ARSL: variants seen among roughly 807,000 people sequenced by gnomAD.
The protein encoded by ARSL is arylsulfatase L.
A neutral mutation model predicts 31.1 loss-of-function variants in ARSL; 4 were observed. The ratio of observed to expected loss-of-function variants is 0.13; its 90% CI spans 0.06 to 0.29. The LOEUF (loss-of-function observed/expected upper bound fraction) is 0.29. Ranked by LOEUF, ARSL falls within the 10% of genes least tolerant of loss-of-function variation. The probability of loss-of-function intolerance (pLI) is 1.00; values close to 1 mark genes in which losing one functional copy is unlikely to be tolerated. For synonymous variants in ARSL, 198 were observed against 209.9 expected (o/e 0.94, Z 0.49); for missense variants, 312 against 497.8 (o/e 0.63, Z 3.55).
chrX:2,965,105 G>C (rs2089686884), upstream of ARSL, among the ~76,000 whole-genome samples: 1 of 111,279 alleles, frequency 9.0e-6, no homozygotes, highest in East Asian at 2.8e-4. Flanking sequence ...ATGTTTTAAA[G>C]AAGTTATTTG....
chrX:2,944,368 T>G (rs771498273), intron 7 of ARSL, among the ~76,000 whole-genome samples: 35 of 106,561 alleles, frequency 3.3e-4, no homozygotes, highest in Admixed American at 2.2e-3. Flanking sequence ...GCAGGAGAAT[T>G]GCTTGAACCC....
At chrX:2,963,393 G>A (rs899420127) in intron 1 of ARSL, among the ~76,000 whole-genome samples, 1 of 110,790 alleles carries the variant, frequency 9.0e-6, no homozygotes, top group Non-Finnish European at 1.9e-5. Flanking sequence ...GCAAAATACT[G>A]TACAAATGTA....
intron 1 of ARSL, among the ~76,000 whole-genome samples, chrX:2,962,421 G>A (rs1051659650): frequency 3.6e-5 from 4 of 111,717 alleles, no homozygotes; most frequent in East Asian, 2.8e-4. Flanking sequence ...AGGGCCGAGC[G>A]GCCAGTGAGT....
intron 5 of ARSL, among the ~76,000 whole-genome samples, chrX:2,951,323 C>T (rs1329255864): frequency 1.8e-5 from 2 of 110,915 alleles, no homozygotes; most frequent in Non-Finnish European, 3.8e-5. Context: ...GCAAGGCACA[C>T]CTTTCAAATT....
intron 8 of ARSL, among the ~76,000 whole-genome samples, chrX:2,942,142 A>G (rs1249653753): frequency 8.9e-6 from 1 of 111,837 alleles, no homozygotes; most frequent in East Asian, 2.8e-4. Flanking sequence ...AAGATAACCA[A>G]GGAATTCTTA....
intron 5 of ARSL, among the ~76,000 whole-genome samples, chrX:2,950,661 C>T (rs745905400): frequency 7.9e-4 from 88 of 111,984 alleles, no homozygotes; most frequent in African/African-American, 2.8e-3. Context: ...TTCTCCTTTG[C>T]CTTCCACCAT....
intron 7 of ARSL, 103 bp downstream of exon 7, chrX:2,945,895 C>T (rs754039660): frequency 1.2e-4 from 130 of 1,080,878 alleles, no homozygotes; most frequent in East Asian, 1.0e-3. Context: ...GCACTGCAAT[C>T]GCTATTCTGC....
intron 10 of ARSL, among the ~76,000 whole-genome samples, chrX:2,935,522 G>A (rs2089185058): frequency 1.8e-5 from 2 of 111,782 alleles, no homozygotes; most frequent in African/African-American, 6.5e-5. Flanking sequence ...GGTTTCCAGG[G>A]TCTGCAGGGT....
At chrX:2,938,695 C>T (rs758639586) in intron 8 of ARSL, among the ~76,000 whole-genome samples, 23 of 107,406 alleles carry the variant, frequency 2.1e-4, no homozygotes, top group African/African-American at 4.4e-4. Context: ...ACAACTATAA[C>T]GTATTGAACA....
chrX:2,958,523 G>T, intron 2 of ARSL, 88 bp from the exon 3 acceptor site: 2 of 1,007,590 alleles, frequency 2.0e-6, no homozygotes, highest in South Asian at 2.0e-5. Flanking sequence ...AAGAGGTATT[G>T]ATATTATCAT....
intron 3 of ARSL, among the ~76,000 whole-genome samples, chrX:2,956,179 G>C (rs2089521778): frequency 8.9e-6 from 1 of 112,117 alleles, no homozygotes; most frequent in Admixed American, 9.5e-5. Flanking sequence ...GGGAAGGTTT[G>C]ACTTCATGGA....
chrX:2,959,372 C>T (rs1316111341), intron 2 of ARSL, among the ~76,000 whole-genome samples: 1 of 111,692 alleles, frequency 9.0e-6, no homozygotes, highest in African/African-American at 3.3e-5. Context: ...AGTTGCGTAC[C>T]ATGAGGGAAC....
chrX:2,965,779 T>C (rs1424405704), upstream of ARSL, among the ~76,000 whole-genome samples: 1 of 111,298 alleles, frequency 9.0e-6, no homozygotes, highest in African/African-American at 3.3e-5. Flanking sequence ...CGTGCACCTG[T>C]AATCCCAGCT....
chrX:2,946,116 G>T lies in ARSL; in HGVS notation c.873C>A (p.Phe291Leu), dbSNP rs747636238. ...CGTGTAGAAAGGAAACAAAGAGGAG[G>T]AAAGGCCCATGCTTATTCCTAAAAA... ...SFLKRNKHGP[F>L]LLFVSFLHVH... is the part of the protein sequence containing the mutation. Residue 291 changes from phenylalanine to leucine, a missense_variant, in exon 7 of 11, where the codon TTC becomes TTA. By Grantham distance (22) the Phe-to-Leu change is conservative. Transcript: ENST00000381134. 16 of 1,208,557 alleles carry T rather than the reference G, an allele frequency of 1.3e-5. No homozygotes were observed. In the Admixed American group the frequency reaches 1.8e-4, roughly 13 times the overall value.
At position 2,960,415 on chromosome X, in the gene ARSL, T is replaced by C. The variant is rs1207855373; in HGVS notation, c.-15A>G. The C allele has an allele frequency of 1.7e-6, 2 of 1,202,518 alleles. No individual in the cohort carries two copies. The highest frequency in any genetic ancestry group is 2.2e-6 in the Non-Finnish European group (2 of 891,140). ...AGATGTAACATGTTGTCTCTCTCTC[T>C]ACTTCCTGTAAGACATAAAGATGTC... On this transcript the variant is annotated 5_prime_UTR_variant, in exon 2 of 11. Coordinates refer to ENST00000381134, the MANE Select transcript of ARSL (RefSeq NM_000047.3).
rs150444751 is a variant in ARSL at position 2,949,494 on chromosome X, C to A, written c.664G>T (p.Val222Phe). 1 of 1,211,273 alleles carries A rather than the reference C, an allele frequency of 8.3e-7. No individual in the cohort carries two copies. The highest frequency in any genetic ancestry group is 1.8e-5 in the South Asian group (1 of 56,865). The change falls in exon 6 of 11, where the codon GTC (valine) becomes TTC (phenylalanine). Residue 222 changes from valine to phenylalanine, a missense_variant. By Grantham distance (50) the Val-to-Phe change is conservative. Coordinates refer to ENST00000381134, the MANE Select transcript of ARSL (RefSeq NM_000047.3). ...VAGKLTHLIP[V>F]SWMPVIWSAL... The stretch of plus-strand genomic sequence containing the variant: ...GACCAGATGACCGGCATCCACGAGA[C>A]GGGTATCAGGTGTGTGAGCTTCCCT...
chrX:2,951,331 A>G (rs2089457108), intron 5 of ARSL, among the ~76,000 whole-genome samples: 1 of 111,204 alleles, frequency 9.0e-6, no homozygotes, highest in Non-Finnish European at 1.9e-5. Flanking sequence ...CACCTTTCAA[A>G]TTCAGTCAAA....
At chrX:2,941,970 G>A (rs186163662) in intron 8 of ARSL, among the ~76,000 whole-genome samples, 1 of 112,700 alleles carries the variant, frequency 8.9e-6, no homozygotes, top group African/African-American at 3.2e-5. Context: ...GGCAGGCCAC[G>A]TCTCACTAAC....
At chrX:2,938,061 C>A in intron 9 of ARSL, 34 bp downstream of exon 9, 1 of 1,210,812 alleles carries the variant, frequency 8.3e-7, no homozygotes, top group South Asian at 1.8e-5. Context: ...TGTGTCTGTG[C>A]AAAGCTGAAT....
Sources: allele counts gnomAD v4.1 joint callset (sites outside exome capture counted in the v4.1 genomes callset), GRCh38; gene constraint gnomAD v4.1.1; transcripts MANE v1.5; gene names NCBI Gene and HGNC (gene_info 2026-07-23, HGNC 2026-07-21).